ROBO1: variants seen among roughly 807,000 people sequenced by gnomAD.
The protein encoded by ROBO1 is roundabout homolog 1.
A neutral mutation model predicts 195.9 loss-of-function variants in ROBO1; 149 were observed. The ratio of observed to expected loss-of-function variants is 0.76; its 90% CI spans 0.67 to 0.87. ROBO1 has a LOEUF of 0.87. ROBO1 is among the 40% of genes least tolerant of loss of function. The pLI is 0.00. For synonymous variants in ROBO1, 816 were observed against 733.2 expected, an observed-to-expected ratio of 1.11 and a Z score of -1.82; for missense variants, 1,933 against 2,068.3, an observed-to-expected ratio of 0.93 and a Z score of 1.27.
chr3:78,680,148 G>C (rs2080858461), intron 10 of ROBO1, among the ~76,000 whole-genome samples: 1 of 152,124 alleles, frequency 6.6e-6, no homozygotes, highest in African/African-American at 2.4e-5. Context: ...GCTGAAGCTG[G>C]ATCCCTTCCT....
chr3:79,415,116 G>A (rs551292836), intron 2 of ROBO1, among the ~76,000 whole-genome samples: 92 of 152,092 alleles, frequency 6.0e-4, no homozygotes, highest in Non-Finnish European at 1.0e-3. Context: ...ACTCACGGAA[G>A]TTAATGTGAG....
At chr3:79,758,675 G>A (rs1474653156) in intron 1 of ROBO1, among the ~76,000 whole-genome samples, 1 of 152,156 alleles carries the variant, frequency 6.6e-6, no homozygotes, top group Non-Finnish European at 1.5e-5. Context: ...GAAGGGGAAG[G>A]CAATGAGTTG....
chr3:78,721,967 A>G (rs2108114474), intron 5 of ROBO1, among the ~76,000 whole-genome samples: 1 of 152,166 alleles, frequency 6.6e-6, no homozygotes, highest in East Asian at 1.9e-4. Context: ...ATTCACAGAC[A>G]TGAAAAAATT....
intron 10 of ROBO1, 32 bp from the exon 11 acceptor site, chr3:78,670,333 T>C: frequency 3.9e-6 from 6 of 1,538,818 alleles, no homozygotes; most frequent in Non-Finnish European, 5.3e-6. Context: ...AATAGATTTC[T>C]GCAACTGGAA....
intron 3 of ROBO1, among the ~76,000 whole-genome samples, chr3:79,065,427 T>C (rs1175636062): frequency 6.6e-6 from 1 of 151,936 alleles, no homozygotes; most frequent in Non-Finnish European, 1.5e-5. Context: ...ATCCTTAGTG[T>C]CAGGCTTTTC....
At chr3:79,354,389 C>T (rs2035463947) in intron 2 of ROBO1, among the ~76,000 whole-genome samples, 1 of 152,196 alleles carries the variant, frequency 6.6e-6, no homozygotes, top group Non-Finnish European at 1.5e-5. Flanking sequence ...CCTGATTCTT[C>T]TGCTTCTCTG....
intron 4 of ROBO1, among the ~76,000 whole-genome samples, chr3:78,806,948 C>T (rs1228164750): frequency 6.6e-6 from 1 of 152,032 alleles, no homozygotes. Flanking sequence ...GCTAGGATTA[C>T]AGGCGTACAC....
intron 4 of ROBO1, among the ~76,000 whole-genome samples, chr3:78,783,674 T>A (rs1279579277): frequency 6.6e-6 from 1 of 152,174 alleles, no homozygotes; most frequent in Non-Finnish European, 1.5e-5. Flanking sequence ...TCTCTCTACC[T>A]ATGGGAAAAC....
At chr3:79,349,609 A>G (rs1226697747) in intron 2 of ROBO1, among the ~76,000 whole-genome samples, 1 of 152,206 alleles carries the variant, frequency 6.6e-6, no homozygotes, top group Non-Finnish European at 1.5e-5. Context: ...TGTGATTCTG[A>G]CATAGGCTAG....
chr3:79,511,797 A>G (rs1940720209), intron 2 of ROBO1, among the ~76,000 whole-genome samples: 1 of 152,158 alleles, frequency 6.6e-6, no homozygotes, highest in South Asian at 2.1e-4. Context: ...GGAGGCCATT[A>G]TCCTTAGCAA....
chr3:79,251,707 A>G (rs1559766097), intron 2 of ROBO1, among the ~76,000 whole-genome samples: 1 of 151,968 alleles, frequency 6.6e-6, no homozygotes, highest in Non-Finnish European at 1.5e-5. Context: ...CCAAGATTGC[A>G]CCACTGCACT....
Position 78,635,889 on chromosome 3 carries a change from T to C in ROBO1, c.3257A>G (p.Asn1086Ser), listed in dbSNP as rs1318798729. The stretch of plus-strand genomic sequence containing the variant: ...AGAGTCCCCGCTGCCATTGTTCATG[T>C]TGTTGCTGAGGTTTGACTGGATGAG... The part of the protein sequence containing the change: ...TQLIQSNLSN[N>S]MNNGSGDSGE... The change falls in exon 23 of 31, where the codon AAC becomes AGC. Residue 1086 changes from asparagine (N) to serine (S), a missense_variant. Asn to Ser is a conservative substitution (Grantham distance 46, BLOSUM62 1). Around this residue, in one of 3 missense-constraint regions of ROBO1, gnomAD observed 1,737 missense variants for 1,882.5 expected, o/e 0.92. Transcript: ENST00000464233. 8 of 1,613,768 alleles carry C rather than the reference T, an allele frequency of 5.0e-6. No homozygotes were observed. Among genetic ancestry groups the C allele is most frequent in the Non-Finnish European group, 6.8e-6 (8 of 1,179,852 alleles).
chr3:79,654,305 C>T (rs143109980), intron 1 of ROBO1, among the ~76,000 whole-genome samples: 8 of 151,930 alleles, frequency 5.3e-5, no homozygotes, highest in African/African-American at 1.7e-4. Context: ...TTAAAATGAC[C>T]GTAGTTTTGA....
At chr3:78,699,315 G>A (rs1204493536) in intron 8 of ROBO1, among the ~76,000 whole-genome samples, 2 of 149,950 alleles carry the variant, frequency 1.3e-5, no homozygotes, top group East Asian at 2.0e-4. Context: ...TTGGGAGGCT[G>A]AGGCAGGTGG....
At chr3:78,769,617 G>GTTTTTTTTTTT (rs1559836189) in intron 4 of ROBO1, among the ~76,000 whole-genome samples, 3 of 72,924 alleles carry the variant, frequency 4.1e-5, no homozygotes, top group East Asian at 6.9e-4. Context: ...AGTGTACTTT[G>GTTTTTTTTTTT]GTTTTTTTTT....
At chr3:78,781,506 C>T (rs1480014234) in intron 4 of ROBO1, among the ~76,000 whole-genome samples, 1 of 152,116 alleles carries the variant, frequency 6.6e-6, no homozygotes, top group African/African-American at 2.4e-5. Context: ...TTTCTCTGTG[C>T]TCAGGGGTTA....
intron 4 of ROBO1, among the ~76,000 whole-genome samples, chr3:78,795,795 C>T (rs2084169557): frequency 6.6e-6 from 1 of 152,122 alleles, no homozygotes; most frequent in Non-Finnish European, 1.5e-5. Context: ...AGATACACTT[C>T]ATTGCCAAAG....
At chr3:79,064,264 G>A (rs1390143341) in intron 3 of ROBO1, among the ~76,000 whole-genome samples, 1 of 151,718 alleles carries the variant, frequency 6.6e-6, no homozygotes, top group East Asian at 1.9e-4. Context: ...GAAAAAAATA[G>A]CAACTTTTTC....
intron 1 of ROBO1, among the ~76,000 whole-genome samples, chr3:79,760,236 CAAAAAAAAAAAAAAAAAAA>C (rs11451206): frequency 4.2e-3 from 19 of 4,514 alleles, no homozygotes; most frequent in Middle Eastern, 0.25. Context: ...GACCCTATCT[CAAAAAAAAAAAAAAAAAAA>C]AAAAAAAAAA....
Sources: allele counts gnomAD v4.1 joint callset (sites outside exome capture counted in the v4.1 genomes callset), GRCh38; gene constraint gnomAD v4.1.1; regional missense constraint gnomAD v4.1.1; transcripts MANE v1.5; gene names NCBI Gene and HGNC (gene_info 2026-07-23, HGNC 2026-07-21).